The following FCSK variants were observed in gnomAD, a reference collection of about 807,000 sequenced individuals.
FCSK encodes the protein L-fucose kinase.
In FCSK, 123 loss-of-function variants were observed where a neutral mutation model predicts 122.5. The ratio of observed to expected loss-of-function variants is 1.00; its 90% confidence interval spans 0.87 to 1.17. FCSK has a LOEUF of 1.17. Ranked by LOEUF, FCSK falls within the 50% of genes most tolerant of loss-of-function variation. FCSK has a pLI of 0.00. For synonymous variants in FCSK, 620 were observed against 625.5 expected (o/e 0.99, Z 0.13); for missense variants, 1,366 against 1,450.4 (o/e 0.94, Z 0.95).
chr16:70,464,933 G>A (rs937710455), intron 3 of FCSK, 193 bp from the exon 4 acceptor site: 150 of 1,202,308 alleles, frequency 1.2e-4, no homozygotes, highest in East Asian at 9.4e-4. Context: ...CCCAGGTGGA[G>A]GGCCCTGGGA....
chr16:70,460,137 C>T (rs1279394447), intron 1 of FCSK, among the ~76,000 whole-genome samples: 37 of 135,900 alleles, frequency 2.7e-4, no homozygotes, highest in Non-Finnish European at 4.9e-4. Flanking sequence ...GACGGTGTCT[C>T]GCTCTGTCGC....
At chr16:70,476,702 T>C (rs988895199) in intron 20 of FCSK, among the ~76,000 whole-genome samples, 21 of 152,314 alleles carry the variant, frequency 1.4e-4, no homozygotes, top group African/African-American at 4.6e-4. Context: ...CTGTGGTGTT[T>C]TCTGTCACTC....
intron 1 of FCSK, among the ~76,000 whole-genome samples, chr16:70,460,278 A>AT (rs1258137448): frequency 1.0e-4 from 15 of 149,870 alleles, no homozygotes; most frequent in African/African-American, 3.7e-4. Flanking sequence ...CGCCCAGCTA[A>AT]TTTTTTGTAT....
At chr16:70,467,317 G>T in intron 6 of FCSK, 57 bp from the exon 7 acceptor site, 1 of 1,283,164 alleles carries the variant, frequency 7.8e-7, no homozygotes, top group South Asian at 1.3e-5. Flanking sequence ...ACCTGGTGGG[G>T]AAATCCGTGC....
At chr16:70,472,189 G>C (rs2048647166) in intron 13 of FCSK, among the ~76,000 whole-genome samples, 1 of 152,150 alleles carries the variant, frequency 6.6e-6, no homozygotes, top group Non-Finnish European at 1.5e-5. Context: ...GCTGCAGCCT[G>C]TTGTGGTGGG....
At chr16:70,458,234 A>G (rs905687279) in intron 1 of FCSK, among the ~76,000 whole-genome samples, 2 of 147,914 alleles carry the variant, frequency 1.4e-5, no homozygotes, top group African/African-American at 5.0e-5. Flanking sequence ...ATCTCTGCTC[A>G]CTGCAACCAC....
chr16:70,468,218 T>G (rs2151713486), intron 8 of FCSK, among the ~76,000 whole-genome samples: 1 of 152,234 alleles, frequency 6.6e-6, no homozygotes, highest in South Asian at 2.1e-4. Flanking sequence ...GGTCAGGAGT[T>G]CGAGACCAGT....
Position 70,473,237 on chromosome 16 carries a change from C to G in FCSK, c.1661C>G (p.Ala554Gly). 2 of 1,535,322 alleles carry G rather than the reference C, an allele frequency of 1.3e-6. No individual in the cohort carries two copies. The highest frequency in any genetic ancestry group is 2.4e-5 in the East Asian group (1 of 40,842). ...ASRRDLFFRQ[A>G]LHKARHVLEA... ...CGCCGGGACCTGTTCTTCCGCCAGG[C>G]CCTGCATAAGGCGCGGCACGTGCTG... is the stretch of plus-strand genomic sequence containing the variant. The change falls in exon 15 of 24, where the codon GCC becomes GGC. Residue 554 changes from alanine (A) to glycine (G), a missense_variant. Transcript: ENST00000288078. This position sits in a 1 kb window ranked among gnomAD's most constrained non-coding sequence, Gnocchi z 4.9.
intron 20 of FCSK, chr16:70,478,033 A>T: frequency 1.8e-6 from 1 of 548,066 alleles, no homozygotes; most frequent in Admixed American, 3.3e-5. Context: ...TTCCAATTAT[A>T]CATTAGGTCT....
At position 70,479,095 on chromosome 16, in the gene FCSK, A is replaced by G. The variant is rs984180025; in HGVS notation, c.2930-85A>G. ...TTCTTTACCATGACACTGGCTCAGCAGCACGTCTTGGCACTTCATGCAATC... is the reference window on the plus strand; with the variant it reads ...TTCTTTACCATGACACTGGCTCAGCGGCACGTCTTGGCACTTCATGCAATC... On this transcript the variant is annotated intron_variant, in intron 22 of 23. Coordinates refer to ENST00000288078, the MANE Select transcript of FCSK (RefSeq NM_145059.3). 6.7e-6 allele frequency: 7 copies of G among 1,044,502 alleles called. No homozygotes were observed. The African/African-American group carries it at 7.9e-5, about 12-fold the overall frequency. The allele number at this position is 1,044,502 out of a possible 1,614,324, so 64.7% of individuals were successfully genotyped here. A position where few individuals can be genotyped will look rare whatever the true frequency, so the allele number is the denominator to read the frequency against.
At chr16:70,458,811 A>C (rs1490650356) in intron 1 of FCSK, among the ~76,000 whole-genome samples, 1 of 152,186 alleles carries the variant, frequency 6.6e-6, no homozygotes, top group East Asian at 1.9e-4. Flanking sequence ...TGTCATAATT[A>C]TAATAGATAA....
rs1356109654 is a variant in FCSK at position 70,479,906 on chromosome 16, G to T, written c.*226G>T. ...CCTCTGTTCCTCCTGGACATAGGAA[G>T]GTCCCAAGCTTAGTATCCCACGTGG... On this transcript the variant is annotated 3_prime_UTR_variant, in exon 24 of 24. Transcript: ENST00000288078. 6.5e-6 allele frequency: 3 copies of T among 462,216 alleles called. No individual in the cohort carries two copies. The highest frequency in any genetic ancestry group is 1.2e-5 in the Non-Finnish European group (3 of 257,728). 28.6% of individuals were successfully genotyped at this position (462,216 alleles called of 1,614,324 possible).
intron 10 of FCSK, 138 bp from the exon 11 acceptor site, chr16:70,470,176 T>G (rs2048565319): frequency 1.5e-6 from 1 of 661,986 alleles, no homozygotes; most frequent in Non-Finnish European, 2.7e-6. Flanking sequence ...TTGTGTGGCT[T>G]TGGGCAGGTT....
intron 1 of FCSK, among the ~76,000 whole-genome samples, chr16:70,455,657 G>A (rs775476720): frequency 6.6e-6 from 1 of 151,646 alleles, no homozygotes; most frequent in Non-Finnish European, 1.5e-5. Context: ...TGTGGGAGGC[G>A]GAAGCAGGTA....
chr16:70,457,263 C>T (rs1275459502), intron 1 of FCSK, among the ~76,000 whole-genome samples: 1 of 151,714 alleles, frequency 6.6e-6, no homozygotes, highest in East Asian at 1.9e-4. Flanking sequence ...TGGGGCATTT[C>T]TTTTTTTTCT....
At chr16:70,469,763 C>A (rs1295326806) in intron 10 of FCSK, among the ~76,000 whole-genome samples, 1 of 151,996 alleles carries the variant, frequency 6.6e-6, no homozygotes, top group Non-Finnish European at 1.5e-5. Context: ...GAACTCCTGG[C>A]CTCAGGTGAC....
intron 2 of FCSK, 25 bp from the exon 3 acceptor site, chr16:70,463,598 G>A (rs1310120081): frequency 6.2e-7 from 1 of 1,611,856 alleles, no homozygotes; most frequent in Admixed American, 1.7e-5. Context: ...TGGGGGGCAG[G>A]TCCCAGTGTC....
chr16:70,479,161 C>T lies in FCSK; in HGVS notation c.2930-19C>T. On this transcript the variant is annotated intron_variant, in intron 22 of 23. Coordinates refer to ENST00000288078, the MANE Select transcript of FCSK (RefSeq NM_145059.3). ...AGTATCTTGGCCCAGGCACGTCACT[C>T]CCCTCTGCCCCACCTCAGGAAGCCT... 1 of 1,596,062 alleles carries T rather than the reference C, an allele frequency of 6.3e-7. No homozygotes were observed.
intron 10 of FCSK, 71 bp downstream of exon 10, chr16:70,469,394 C>A: frequency 6.9e-7 from 1 of 1,442,756 alleles, no homozygotes; most frequent in South Asian, 1.3e-5. Flanking sequence ...TGGAGCTGCT[C>A]ACTGCATGCT....
Sources: allele counts gnomAD v4.1 joint callset (sites outside exome capture counted in the v4.1 genomes callset), GRCh38; gene constraint gnomAD v4.1.1; non-coding constraint Gnocchi (gnomAD v3.1); transcripts MANE v1.5; gene names NCBI Gene and HGNC (gene_info 2026-07-23, HGNC 2026-07-21).